The following HCN1 variants were observed in gnomAD, a reference collection of about 807,000 sequenced individuals.
The protein encoded by HCN1 is potassium/sodium hyperpolarization-activated cyclic nucleotide-gated channel 1.
A neutral mutation model predicts 78.9 loss-of-function variants in HCN1; 13 were observed. The ratio of observed to expected loss-of-function variants is 0.16; its 90% CI spans 0.11 to 0.26. The LOEUF (loss-of-function observed/expected upper bound fraction) is 0.26. Ranked by LOEUF, HCN1 falls within the 10% of genes least tolerant of loss-of-function variation. The probability of loss-of-function intolerance (pLI) is 1.00; values close to 1 mark genes in which losing one functional copy is unlikely to be tolerated. For synonymous variants in HCN1, 552 were observed against 455.5 expected (o/e 1.21, Z -2.70); for missense variants, 810 against 1,154.3 (o/e 0.70, Z 4.32).
chr5:45,330,511 A>C (rs564941200), intron 5 of HCN1, among the ~76,000 whole-genome samples: 1 of 151,034 alleles, frequency 6.6e-6, no homozygotes, highest in African/African-American at 2.4e-5. Context: ...TACAGAAAAC[A>C]TTTCATGTAT....
intron 2 of HCN1, among the ~76,000 whole-genome samples, chr5:45,499,542 C>T (rs1384007917): frequency 6.6e-6 from 1 of 152,180 alleles, no homozygotes; most frequent in Non-Finnish European, 1.5e-5. Flanking sequence ...CAGAAATCAC[C>T]CGTCTTCTGC....
intron 6 of HCN1, among the ~76,000 whole-genome samples, chr5:45,279,320 GAC>G (rs1420542501): frequency 2.0e-5 from 3 of 152,128 alleles, no homozygotes; most frequent in Non-Finnish European, 1.5e-5. Flanking sequence ...CAGGAGAAAA[GAC>G]ACACACTCAT....
At chr5:45,285,729 C>T (rs1745256082) in intron 6 of HCN1, among the ~76,000 whole-genome samples, 2 of 151,964 alleles carry the variant, frequency 1.3e-5, no homozygotes, top group African/African-American at 4.8e-5. Context: ...TCCTAATTGA[C>T]TAATGATGGC....
At chr5:45,421,151 C>T (rs1016852507) in intron 3 of HCN1, among the ~76,000 whole-genome samples, 5 of 152,054 alleles carry the variant, frequency 3.3e-5, no homozygotes, top group African/African-American at 9.7e-5. Context: ...CAAGCTCTGC[C>T]TCCTGGGTTC....
chr5:45,584,435 G>A (rs1013855815), intron 2 of HCN1, among the ~76,000 whole-genome samples: 1 of 152,124 alleles, frequency 6.6e-6, no homozygotes, highest in Non-Finnish European at 1.5e-5. Context: ...CTGCACGTGA[G>A]ATGGGTTTCC....
intron 5 of HCN1, among the ~76,000 whole-genome samples, chr5:45,324,369 G>GACACTTCTCAAAAGAAT (rs1746193665): frequency 6.6e-6 from 1 of 151,906 alleles, no homozygotes; most frequent in African/African-American, 2.4e-5. Context: ...CTCAAAAGAA[G>GACACTTCTCAAAAGAAT]ACATTTATGC....
intron 5 of HCN1, among the ~76,000 whole-genome samples, chr5:45,350,845 A>G (rs2111979760): frequency 6.6e-6 from 1 of 152,340 alleles, no homozygotes; most frequent in South Asian, 2.1e-4. Context: ...TTCAAGGAGA[A>G]CTACAAACCA....
chr5:45,365,960 A>G (rs1579842746), intron 4 of HCN1, among the ~76,000 whole-genome samples: 1 of 151,898 alleles, frequency 6.6e-6, no homozygotes, highest in Non-Finnish European at 1.5e-5. Flanking sequence ...ATTTCTTAAA[A>G]TTAGATGATT....
intron 1 of HCN1, among the ~76,000 whole-genome samples, chr5:45,665,539 AAAC>A (rs1343943730): frequency 1.3e-5 from 2 of 152,108 alleles, no homozygotes; most frequent in Non-Finnish European, 2.9e-5. Context: ...CTTAAAAAGC[AAAC>A]AACAAAAACA....
chr5:45,403,626 G>T (rs746419594), intron 3 of HCN1, among the ~76,000 whole-genome samples: 1 of 152,078 alleles, frequency 6.6e-6, no homozygotes, highest in South Asian at 2.1e-4. Flanking sequence ...CTCCCACCGG[G>T]TTCCTCTCAC....
chr5:45,551,502 C>A (rs1412390219), intron 2 of HCN1, among the ~76,000 whole-genome samples: 1 of 151,236 alleles, frequency 6.6e-6, no homozygotes, highest in Non-Finnish European at 1.5e-5. Flanking sequence ...TATATTTGAG[C>A]AATCATGGAG....
At chr5:45,398,193 T>C (rs1481790340) in intron 3 of HCN1, among the ~76,000 whole-genome samples, 2 of 152,078 alleles carry the variant, frequency 1.3e-5, no homozygotes, top group Non-Finnish European at 2.9e-5. Flanking sequence ...TTCATACCAA[T>C]TTCACATTGA....
chr5:45,399,132 C>T (rs1395635875), intron 3 of HCN1, among the ~76,000 whole-genome samples: 1 of 152,204 alleles, frequency 6.6e-6, no homozygotes, highest in Admixed American at 6.6e-5. Flanking sequence ...CATGGATAGC[C>T]ACTTTCATCT....
chr5:45,360,775 A>C (rs982905790), intron 4 of HCN1, among the ~76,000 whole-genome samples: 1 of 152,114 alleles, frequency 6.6e-6, no homozygotes, highest in Non-Finnish European at 1.5e-5. Context: ...ATGAATGGGA[A>C]AAAACTAAAG....
intron 2 of HCN1, among the ~76,000 whole-genome samples, chr5:45,623,841 T>C (rs569729715): frequency 6.6e-6 from 1 of 152,208 alleles, no homozygotes; most frequent in African/African-American, 2.4e-5. Context: ...GCAGGATGGA[T>C]GAGTAATGAT....
At chr5:45,637,775 T>C (rs746752520) in intron 2 of HCN1, among the ~76,000 whole-genome samples, 2 of 152,012 alleles carry the variant, frequency 1.3e-5, no homozygotes, top group African/African-American at 2.4e-5. Flanking sequence ...AGGTTCAACA[T>C]AGTTAAAGAA....
At chr5:45,544,483 T>C (rs1743167666) in intron 2 of HCN1, among the ~76,000 whole-genome samples, 1 of 152,086 alleles carries the variant, frequency 6.6e-6, no homozygotes, top group Non-Finnish European at 1.5e-5. Context: ...CTAGGGTACA[T>C]GTGCACAATG....
chr5:45,393,662 A>C (rs1043924812), intron 4 of HCN1, among the ~76,000 whole-genome samples: 1 of 152,184 alleles, frequency 6.6e-6, no homozygotes, highest in Non-Finnish European at 1.5e-5. Context: ...GATTGTTTCA[A>C]TCAACATTTC....
chr5:45,460,764 AGAC>A (rs1741136543), intron 3 of HCN1, among the ~76,000 whole-genome samples: 1 of 152,012 alleles, frequency 6.6e-6, no homozygotes, highest in African/African-American at 2.4e-5. Context: ...GAAGAAAAGA[AGAC>A]AATACATCTT....
Sources: gnomAD v4.1 joint callset for allele counts (sites outside exome capture counted in the v4.1 genomes callset) on GRCh38, gnomAD v4.1.1 for gene constraint, MANE v1.5 for transcripts, NCBI Gene and HGNC (gene_info 2026-07-23, HGNC 2026-07-21) for gene names.